The following ZFAND3 variants were observed in gnomAD, a reference collection of about 807,000 sequenced individuals.
The protein encoded by ZFAND3 is zinc finger AN1-type containing 3.
In ZFAND3, 10 loss-of-function variants were observed where a neutral mutation model predicts 29.6. That is an observed-to-expected ratio of 0.34 (90% CI 0.21 to 0.57). The LOEUF is 0.57. ZFAND3 is among the 20% of genes least tolerant of loss of function. The probability of loss-of-function intolerance (pLI) is 0.86; values close to 1 mark genes in which losing one functional copy is unlikely to be tolerated. For missense variants in ZFAND3, 230 were observed against 304.5 expected (o/e 0.76, Z 1.82); for synonymous variants, 128 against 112.6 (o/e 1.14, Z -0.87).
chr6:38,053,227 T>C (rs747936248), intron 2 of ZFAND3, among the ~76,000 whole-genome samples: 1 of 151,854 alleles, frequency 6.6e-6, no homozygotes, highest in Non-Finnish European at 1.5e-5. Flanking sequence ...GGATTCTGGA[T>C]CTGGTTGTGA....
chr6:38,062,961 T>C (rs187105050), intron 3 of ZFAND3, among the ~76,000 whole-genome samples: 11 of 149,474 alleles, frequency 7.4e-5, no homozygotes, highest in African/African-American at 2.7e-4. Flanking sequence ...TGGTGGTGTG[T>C]GTTTATGGTC....
At chr6:38,003,631 T>C (rs1762990397) in intron 2 of ZFAND3, 1 of 282,184 alleles carries the variant, frequency 3.5e-6, no homozygotes, top group Non-Finnish European at 7.0e-6. Context: ...CCCAAGTAGC[T>C]GGGACTACAG....
chr6:37,956,671 A>T (rs1433879786), intron 2 of ZFAND3, among the ~76,000 whole-genome samples: 4 of 152,316 alleles, frequency 2.6e-5, no homozygotes, highest in Non-Finnish European at 5.9e-5. Flanking sequence ...GAACTTTGAA[A>T]ACTGATGAAA....
Position 38,148,802 on chromosome 6 carries a change from C to T in ZFAND3, c.530-3433C>T, listed in dbSNP as rs553323440. ...ACACCAAAATGCATTTCACCATTGG[C>T]TGCTGTCGGTAGATAATACCTGCTC... On this transcript the variant is annotated intron_variant, in intron 5 of 5. Coordinates refer to ENST00000287218, the MANE Select transcript of ZFAND3 (RefSeq NM_021943.3). Among the ~76,000 whole-genome samples, 3 of 152,308 alleles carry T rather than the reference C, an allele frequency of 2.0e-5. No individual in the cohort carries two copies. The East Asian group carries it at 5.8e-4, about 29-fold the overall frequency.
intron 3 of ZFAND3, among the ~76,000 whole-genome samples, chr6:38,063,038 G>A (rs1764272766): frequency 6.7e-6 from 1 of 150,120 alleles, no homozygotes; most frequent in East Asian, 2.1e-4. Context: ...ACAGTGGACT[G>A]TGGTCTTAAC....
chr6:38,132,496 G>T (rs1765761216), intron 5 of ZFAND3, among the ~76,000 whole-genome samples: 1 of 152,216 alleles, frequency 6.6e-6, no homozygotes, highest in Non-Finnish European at 1.5e-5. Flanking sequence ...AACAGAGTGA[G>T]ACCCTGTCTC....
At chr6:38,144,364 A>G (rs1167638430) in intron 5 of ZFAND3, among the ~76,000 whole-genome samples, 2 of 151,904 alleles carry the variant, frequency 1.3e-5, no homozygotes, top group Non-Finnish European at 2.9e-5. Flanking sequence ...TAATGAGTTG[A>G]GATTTGGAGG....
intron 1 of ZFAND3, among the ~76,000 whole-genome samples, chr6:37,907,120 CACTG>C (rs1765422796): frequency 1.3e-5 from 2 of 152,002 alleles, no homozygotes; most frequent in African/African-American, 2.4e-5. Flanking sequence ...TCCATGCTTG[CACTG>C]ACTCTCTGTC....
At chr6:37,827,045 T>C (rs1464598846) in intron 1 of ZFAND3, among the ~76,000 whole-genome samples, 1 of 152,212 alleles carries the variant, frequency 6.6e-6, no homozygotes, top group Non-Finnish European at 1.5e-5. Context: ...GCCTGTTTTC[T>C]TGTGGGCTCT....
At chr6:37,878,793 A>G (rs1764839432) in intron 1 of ZFAND3, among the ~76,000 whole-genome samples, 1 of 152,248 alleles carries the variant, frequency 6.6e-6, no homozygotes, top group South Asian at 2.1e-4. Flanking sequence ...AGAGACACTT[A>G]GTAATCACAG....
At chr6:37,926,738 C>T in intron 1 of ZFAND3, among the ~76,000 whole-genome samples, 1 of 152,266 alleles carries the variant, frequency 6.6e-6, no homozygotes, top group East Asian at 1.9e-4. Flanking sequence ...AGTTTCACTG[C>T]TCCAGTGAAA....
intron 4 of ZFAND3, among the ~76,000 whole-genome samples, chr6:38,093,626 G>T (rs952206938): frequency 1.3e-5 from 2 of 152,138 alleles, no homozygotes; most frequent in African/African-American, 4.8e-5. Context: ...TGCATGAGAA[G>T]AGGGATCAGG....
intron 4 of ZFAND3, among the ~76,000 whole-genome samples, chr6:38,115,898 GTGCTGC>G (rs1224343709): frequency 2.0e-5 from 3 of 152,102 alleles, no homozygotes; most frequent in Non-Finnish European, 2.9e-5. Context: ...GGGGTGCCTG[GTGCTGC>G]TGCTGCTGCA....
chr6:37,869,268 A>G (rs1764647528), intron 1 of ZFAND3, among the ~76,000 whole-genome samples: 1 of 152,088 alleles, frequency 6.6e-6, no homozygotes, highest in East Asian at 1.9e-4. Flanking sequence ...AGTTCAAGTG[A>G]TTCTCCTACC....
chr6:37,860,860 G>A (rs1357144723), intron 1 of ZFAND3, among the ~76,000 whole-genome samples: 1 of 152,034 alleles, frequency 6.6e-6, no homozygotes, highest in Non-Finnish European at 1.5e-5. Context: ...TGAGGTGGAT[G>A]TAGAAGGATG....
chr6:37,869,283 C>G (rs535263105), intron 1 of ZFAND3, among the ~76,000 whole-genome samples: 43 of 152,274 alleles, frequency 2.8e-4, no homozygotes, highest in Non-Finnish European at 5.6e-4. Context: ...CCTACCTCAG[C>G]CTCCCGAGTA....
Position 37,859,134 on chromosome 6 carries a change from A to G in ZFAND3, c.71+39118A>G, listed in dbSNP as rs1375848827. Among the ~76,000 whole-genome samples the G allele has an allele frequency of 2.0e-5, 3 of 152,192 alleles. No homozygotes were observed. The East Asian group carries it at 5.8e-4, about 29-fold the overall frequency. Reference sequence around the variant, plus strand: ...CCCAAGTTAGCATTTTGGCTCCACCACTTGTTAGCTTTGTTGCCTTGAATA... The same window carrying G: ...CCCAAGTTAGCATTTTGGCTCCACCGCTTGTTAGCTTTGTTGCCTTGAATA... On this transcript the variant is annotated intron_variant, in intron 1 of 5. Transcript: ENST00000287218.
intron 2 of ZFAND3, among the ~76,000 whole-genome samples, chr6:38,037,836 A>C (rs1245218527): frequency 2.0e-5 from 3 of 152,226 alleles, no homozygotes; most frequent in African/African-American, 7.2e-5. Context: ...GAAATAACTG[A>C]TAACAATCCC....
intron 1 of ZFAND3, among the ~76,000 whole-genome samples, chr6:37,856,089 T>A (rs1283241479): frequency 6.6e-6 from 1 of 151,810 alleles, no homozygotes; most frequent in Non-Finnish European, 1.5e-5. Flanking sequence ...CATGCAGTGG[T>A]GCTCAAGTGA....
Sources: allele counts gnomAD v4.1 joint callset (sites outside exome capture counted in the v4.1 genomes callset), GRCh38; gene constraint gnomAD v4.1.1; transcripts MANE v1.5; gene names NCBI Gene and HGNC (gene_info 2026-07-23, HGNC 2026-07-21).